The following FAM13A variants were observed in gnomAD, a reference collection of about 807,000 sequenced individuals.
FAM13A encodes family with sequence similarity 13 member A, also known as protein FAM13A.
In FAM13A, 76 loss-of-function variants were observed where a neutral mutation model predicts 129.6. That is an observed-to-expected ratio of 0.59 (90% CI 0.49 to 0.71). FAM13A has a LOEUF of 0.71. FAM13A is among the 30% of genes least tolerant of loss of function. The pLI, the probability that FAM13A is intolerant of heterozygous loss-of-function variation, is 0.00. For missense variants in FAM13A, 1,108 were observed against 1,249.3 expected (o/e 0.89, Z 1.70); for synonymous variants, 443 against 449.9 (o/e 0.98, Z 0.20).
chr4:88,895,348 A>G (rs1364282594), intron 6 of FAM13A, among the ~76,000 whole-genome samples: 1 of 152,186 alleles, frequency 6.6e-6, no homozygotes, highest in East Asian at 1.9e-4. Context: ...TTTTAAAATA[A>G]CTTGGAAACT....
At chr4:88,782,876 T>A (rs927154236) in intron 10 of FAM13A, among the ~76,000 whole-genome samples, 13 of 152,194 alleles carry the variant, frequency 8.5e-5, no homozygotes, top group Admixed American at 6.5e-4. Context: ...GCTGGATCAA[T>A]TTGGTGTAAT....
intron 3 of FAM13A, among the ~76,000 whole-genome samples, chr4:89,012,231 A>C (rs1481798276): frequency 1.3e-5 from 2 of 152,218 alleles, no homozygotes; most frequent in Admixed American, 6.5e-5. Context: ...TAAAAAGTAC[A>C]TATACTACTG....
chr4:88,823,330 T>C, intron 7 of FAM13A: 1 of 1,111,140 alleles, frequency 9.0e-7, no homozygotes, highest in Non-Finnish European at 1.1e-6. Flanking sequence ...CTCCTCCTCC[T>C]CCCCCGCACC....
At chr4:88,781,940 T>A (rs1326701295) in intron 10 of FAM13A, among the ~76,000 whole-genome samples, 1 of 150,988 alleles carries the variant, frequency 6.6e-6, no homozygotes, top group Admixed American at 6.6e-5. Flanking sequence ...TGTATACATA[T>A]GTAACAAACC....
intron 5 of FAM13A, among the ~76,000 whole-genome samples, chr4:88,925,715 T>C (rs978951562): frequency 3.3e-5 from 5 of 149,972 alleles, no homozygotes; most frequent in Admixed American, 3.3e-4. Context: ...AAAAAATAAA[T>C]AAAAATAAAA....
chr4:88,885,103 T>C (rs752872234), intron 6 of FAM13A, among the ~76,000 whole-genome samples: 1 of 152,040 alleles, frequency 6.6e-6, no homozygotes, highest in Admixed American at 6.6e-5. Context: ...TTCAATGTAA[T>C]TCCCATCAAA....
At chr4:88,946,061 C>T (rs1463699244) in intron 4 of FAM13A, among the ~76,000 whole-genome samples, 2 of 136,658 alleles carry the variant, frequency 1.5e-5, no homozygotes, top group African/African-American at 5.5e-5. Flanking sequence ...CTCTGGCATG[C>T]CTGGATAGAA....
intron 19 of FAM13A, among the ~76,000 whole-genome samples, chr4:88,742,254 T>G (rs141365472): frequency 6.6e-6 from 1 of 152,194 alleles, no homozygotes; most frequent in Non-Finnish European, 1.5e-5. Context: ...TTCCTTACTC[T>G]TTGTTCAAAA....
At chr4:88,739,212 T>C in intron 19 of FAM13A, 87 bp from the exon 20 acceptor site, 1 of 849,188 alleles carries the variant, frequency 1.2e-6, no homozygotes, top group Non-Finnish European at 2.0e-6. Flanking sequence ...TTTGTAATTC[T>C]AGAGAAACTC....
intron 5 of FAM13A, among the ~76,000 whole-genome samples, chr4:88,929,996 C>G (rs1388425890): frequency 6.6e-6 from 1 of 152,114 alleles, no homozygotes; most frequent in Non-Finnish European, 1.5e-5. Flanking sequence ...GCTTCAGCCT[C>G]CCAAAGTGCT....
intron 6 of FAM13A, among the ~76,000 whole-genome samples, chr4:88,885,380 T>C (rs867578422): frequency 2.6e-5 from 4 of 152,104 alleles, no homozygotes; most frequent in African/African-American, 4.8e-5. Context: ...GGATCTTCAA[T>C]GAAGCAAACT....
intron 7 of FAM13A, among the ~76,000 whole-genome samples, chr4:88,825,935 G>A (rs1732915667): frequency 6.6e-6 from 1 of 151,886 alleles, no homozygotes; most frequent in Admixed American, 6.6e-5. Flanking sequence ...TATTTTGGGG[G>A]CATTATTTGA....
intron 19 of FAM13A, among the ~76,000 whole-genome samples, chr4:88,746,672 G>C (rs1741407339): frequency 6.6e-6 from 1 of 152,062 alleles, no homozygotes; most frequent in African/African-American, 2.4e-5. Context: ...CTTTAAAGCG[G>C]TACATTAATG....
At chr4:88,976,275 G>C (rs548182395) in intron 4 of FAM13A, among the ~76,000 whole-genome samples, 140 of 152,224 alleles carry the variant, frequency 9.2e-4, no homozygotes, top group Middle Eastern at 3.4e-3. Flanking sequence ...AGATGTTATT[G>C]CTTAATCACT....
chr4:88,750,729 CT>C, intron 14 of FAM13A, 92 bp from the exon 15 acceptor site: 1 of 879,568 alleles, frequency 1.1e-6, no homozygotes, highest in Non-Finnish European at 1.8e-6. Context: ...TTCCCAGATG[CT>C]TTAGGAAGCT....
chr4:88,960,337 A>G (rs189538192), intron 4 of FAM13A, among the ~76,000 whole-genome samples: 68 of 152,360 alleles, frequency 4.5e-4, no homozygotes, highest in African/African-American at 1.5e-3. Context: ...TGAGAAAGAC[A>G]GTTTTTAATA....
intron 6 of FAM13A, among the ~76,000 whole-genome samples, chr4:88,864,173 A>G (rs1234475126): frequency 6.6e-6 from 1 of 152,254 alleles, no homozygotes; most frequent in Admixed American, 6.5e-5. Context: ...TAAAAAGAGA[A>G]GTAGTCAAAG....
chr4:88,832,001 A>C (rs1443277053), intron 7 of FAM13A, among the ~76,000 whole-genome samples: 3 of 152,228 alleles, frequency 2.0e-5, no homozygotes, highest in African/African-American at 4.8e-5. Context: ...ACAAGGCTGC[A>C]GTGACCAAAA....
intron 5 of FAM13A, among the ~76,000 whole-genome samples, chr4:88,911,787 TG>T (rs1157051568): frequency 6.6e-6 from 1 of 152,204 alleles, no homozygotes; most frequent in Non-Finnish European, 1.5e-5. Flanking sequence ...TTCTCATTTT[TG>T]TTTGTTTATT....
Sources: allele counts gnomAD v4.1 joint callset (sites outside exome capture counted in the v4.1 genomes callset), GRCh38; gene constraint gnomAD v4.1.1; transcripts MANE v1.5; gene names NCBI Gene and HGNC (gene_info 2026-07-23, HGNC 2026-07-21).